Variants in PDZD2 observed in about 807,000 individuals in gnomAD.
PDZD2 encodes PDZ domain containing 2.
Under a neutral mutation model 220.7 loss-of-function variants are expected in PDZD2, and 90 were observed. That is an observed-to-expected ratio of 0.41 (90% CI 0.34 to 0.49). PDZD2 has a LOEUF of 0.49. PDZD2 is among the 20% of genes least tolerant of loss of function. PDZD2 has a pLI of 0.28. For synonymous variants in PDZD2, 1,375 were observed against 1,450.5 expected (o/e 0.95, Z 1.18); for missense variants, 3,174 against 3,608.5 (o/e 0.88, Z 3.08).
chr5:31,832,873 G>A (rs1328000291), intron 2 of PDZD2, among the ~76,000 whole-genome samples: 1 of 152,018 alleles, frequency 6.6e-6, no homozygotes, highest in African/African-American at 2.4e-5. Context: ...GTAAAAAGAT[G>A]TGCAGTTAAG....
intron 19 of PDZD2, among the ~76,000 whole-genome samples, chr5:32,082,965 A>C (rs529247172): frequency 6.6e-6 from 1 of 152,292 alleles, no homozygotes; most frequent in East Asian, 1.9e-4. Context: ...AGTGTGGGGA[A>C]TCCAGGCCCC....
chr5:31,898,709 G>C (rs1017861985), intron 2 of PDZD2, among the ~76,000 whole-genome samples: 2 of 151,642 alleles, frequency 1.3e-5, no homozygotes, highest in African/African-American at 4.8e-5. Flanking sequence ...ACCTTTCCTA[G>C]CTCTGGGGGG....
At chr5:32,093,598 C>T (rs183443969) in intron 21 of PDZD2, among the ~76,000 whole-genome samples, 4 of 152,298 alleles carry the variant, frequency 2.6e-5, no homozygotes, top group Non-Finnish European at 5.9e-5. Flanking sequence ...CATAAACAGT[C>T]AATTAACACA....
At chr5:31,908,471 A>ATCTC in intron 2 of PDZD2, 1 of 899,340 alleles carries the variant, frequency 1.1e-6, no homozygotes, top group Admixed American at 2.5e-5. Context: ...TGTAGGAGAG[A>ATCTC]GGGTAACACT....
rs138665673 is a variant in PDZD2, at chr5:31,828,464, C to T, written c.476+28740C>T. Among the ~76,000 whole-genome samples, 41 of 152,188 alleles carry T rather than the reference C, an allele frequency of 2.7e-4. No individual in the cohort carries two copies. In the East Asian group the frequency reaches 7.7e-3, roughly 29 times the overall value. The stretch of plus-strand genomic sequence containing the variant: ...AACACCTTTTCATGTGTTTTTGAAC[C>T]TTTGTATATCTTTGGAGAGATGTCT... On this transcript the variant is annotated intron_variant, in intron 2 of 24. Coordinates refer to ENST00000438447, the MANE Select transcript of PDZD2 (RefSeq NM_178140.4).
intron 2 of PDZD2, among the ~76,000 whole-genome samples, chr5:31,963,799 T>C (rs1192636512): frequency 6.6e-6 from 1 of 152,188 alleles, no homozygotes; most frequent in African/African-American, 2.4e-5. Context: ...GAGCGTGGCT[T>C]GCAGTTAGCC....
intron 1 of PDZD2, among the ~76,000 whole-genome samples, chr5:31,746,908 G>T (rs895766407): frequency 2.6e-5 from 4 of 152,238 alleles, no homozygotes; most frequent in Non-Finnish European, 5.9e-5. Context: ...GGGCGTGGTG[G>T]CTCACGCCTG....
intron 1 of PDZD2, among the ~76,000 whole-genome samples, chr5:31,691,213 G>C (rs1231892921): frequency 6.6e-6 from 1 of 152,006 alleles, no homozygotes; most frequent in South Asian, 2.1e-4. Context: ...AGACCTTCGC[G>C]GTGAGTGTTA....
chr5:31,667,165 GA>G (rs1746024767), intron 1 of PDZD2, among the ~76,000 whole-genome samples: 1 of 150,794 alleles, frequency 6.6e-6, no homozygotes, highest in African/African-American at 2.4e-5. Context: ...GAACCCAGGA[GA>G]CGGAGCTTGC....
chr5:32,041,242 G>A (rs561850722), intron 7 of PDZD2, among the ~76,000 whole-genome samples: 7 of 130,292 alleles, frequency 5.4e-5, no homozygotes, highest in Admixed American at 1.5e-4. Flanking sequence ...GCCGCCCATC[G>A]TCTGGGAAGC....
intron 2 of PDZD2, among the ~76,000 whole-genome samples, chr5:31,824,515 G>T (rs889809814): frequency 6.6e-6 from 1 of 152,008 alleles, no homozygotes; most frequent in East Asian, 1.9e-4. Context: ...ATGCCATAGG[G>T]GCTACACTGG....
At chr5:31,891,673 C>T (rs1265637574) in intron 2 of PDZD2, among the ~76,000 whole-genome samples, 2 of 152,080 alleles carry the variant, frequency 1.3e-5, no homozygotes, top group Non-Finnish European at 2.9e-5. Context: ...TACTGAGCCA[C>T]CGAGGCAGGG....
intron 1 of PDZD2, among the ~76,000 whole-genome samples, chr5:31,737,993 C>G (rs1750010754): frequency 6.6e-6 from 1 of 152,162 alleles, no homozygotes; most frequent in East Asian, 1.9e-4. Context: ...CCAGGTCTGC[C>G]TAAGTGCAAG....
At chr5:32,107,939 CTATTAAT>C (rs949049106) in intron 24 of PDZD2, 23 bp from the exon 25 acceptor site, 1 of 1,535,898 alleles carries the variant, frequency 6.5e-7, no homozygotes, top group Admixed American at 1.8e-5. Context: ...AACTGCCAAG[CTATTAAT>C]TATTCTGTGT....
At chr5:31,653,449 G>A (rs569066273) in intron 1 of PDZD2, among the ~76,000 whole-genome samples, 15 of 152,090 alleles carry the variant, frequency 9.9e-5, no homozygotes, top group African/African-American at 1.4e-4. Context: ...TACTTATAAG[G>A]AATCCATGAA....
chr5:31,655,845 T>C (rs910740021), intron 1 of PDZD2, among the ~76,000 whole-genome samples: 1 of 152,246 alleles, frequency 6.6e-6, no homozygotes, highest in Non-Finnish European at 1.5e-5. Context: ...TTTTCTCCTT[T>C]TAAGGACTTT....
intron 2 of PDZD2, among the ~76,000 whole-genome samples, chr5:31,893,119 C>T (rs1741204922): frequency 6.6e-6 from 1 of 152,158 alleles, no homozygotes; most frequent in Non-Finnish European, 1.5e-5. Flanking sequence ...AACTTGTACC[C>T]ACTGACCAGG....
chr5:31,985,693 AAAAC>A (rs968835294), intron 3 of PDZD2, among the ~76,000 whole-genome samples: 9 of 152,130 alleles, frequency 5.9e-5, no homozygotes, highest in Admixed American at 5.2e-4. Context: ...GACTGTCTCA[AAAAC>A]AAACAAAAGC....
intron 2 of PDZD2, among the ~76,000 whole-genome samples, chr5:31,923,732 T>TA (rs1169508084): frequency 3.3e-5 from 5 of 152,074 alleles, no homozygotes; most frequent in Admixed American, 3.3e-4. Flanking sequence ...TTAACAATGT[T>TA]AAAAAAATAA....
Sources: gnomAD v4.1 joint callset for allele counts (sites outside exome capture counted in the v4.1 genomes callset) on GRCh38, gnomAD v4.1.1 for gene constraint, MANE v1.5 for transcripts, NCBI Gene and HGNC (gene_info 2026-07-23, HGNC 2026-07-21) for gene names.